AOC1: variants seen among roughly 807,000 people sequenced by gnomAD.
AOC1 encodes the protein diamine oxidase [copper-containing].
Under a neutral mutation model 57.1 loss-of-function variants are expected in AOC1, and 58 were observed. The ratio of observed to expected loss-of-function variants is 1.02; its 90% CI spans 0.82 to 1.26. AOC1 has a LOEUF of 1.26. AOC1 is among the 50% of genes most tolerant of loss of function. AOC1 has a pLI of 0.00. For missense variants in AOC1, 917 were observed against 1,005.3 expected (o/e 0.91, Z 1.19); for synonymous variants, 401 against 423.4 (o/e 0.95, Z 0.65).
intron 4 of AOC1, 114 bp from the exon 5 acceptor site, chr7:150,860,829 C>A: frequency 6.9e-7 from 1 of 1,444,446 alleles, no homozygotes; most frequent in Non-Finnish European, 9.3e-7. Context: ...TAAAAAGGGG[C>A]TGGAGAGGAA....
intron 3 of AOC1, 147 bp from the exon 4 acceptor site, chr7:150,860,354 G>A (rs949656928): frequency 1.3e-5 from 18 of 1,424,202 alleles, no homozygotes; most frequent in East Asian, 9.3e-5. Context: ...ACAGCAGCCC[G>A]TCCTGCTGAC....
rs750414277 is a variant in AOC1 at position 150,860,498 on chromosome 7, C to T, written c.1857-3C>T. ...GCCAAGCTGCTTCGCCTGTGCCTGG[C>T]AGGTACCCCCTGGCAGTGACCAAGT... On this transcript the variant is annotated splice_polypyrimidine_tract_variant and splice_region_variant and intron_variant, in intron 3 of 4. Transcript: ENST00000360937. The T allele has an allele frequency of 7.4e-6, 12 of 1,614,008 alleles. No homozygotes were observed. The Admixed American group carries it at 2.0e-4, about 27-fold the overall frequency.
In AOC1 at chr7:150,857,445, C is replaced by T; in HGVS notation, c.975C>T (p.Ala325=). 1 of 1,611,462 alleles carries T rather than the reference C, an allele frequency of 6.2e-7. No homozygotes were observed. The highest frequency in any genetic ancestry group is 8.5e-7 in the Non-Finnish European group (1 of 1,179,620). ...TGCTCTACGGCGGCTGGAGCTTTGC[C>T]TTCCGGCTGCGCTCCTCCTCCGGGC... The part of the protein sequence containing the change: ...NAVLYGGWSF[A]FRLRSSSGLQ... The change falls in exon 2 of 5, where the codon GCC becomes GCT. Residue 325 remains alanine, a synonymous_variant. Coordinates refer to ENST00000360937, the MANE Select transcript of AOC1 (RefSeq NM_001091.4). This position sits in a 1 kb window ranked among gnomAD's most constrained non-coding sequence, Gnocchi z 6.6.
In AOC1 at chr7:150,857,197, T is replaced by A. The variant is rs376957182; in HGVS notation, c.727T>A (p.Tyr243Asn). 13 of 1,613,088 alleles carry A rather than the reference T, an allele frequency of 8.1e-6. No homozygotes were observed. The highest frequency in any genetic ancestry group is 1.1e-5 in the Non-Finnish European group (13 of 1,179,502). ...VEQVWYNGKF[Y>N]GSPEELARKY... ...GCAGGTGTGGTACAACGGGAAGTTC[T>A]ATGGGAGCCCAGAGGAACTGGCTCG... The change falls in exon 2 of 5, where the codon TAT becomes AAT. Residue 243 changes from tyrosine to asparagine, a missense_variant. Coordinates refer to ENST00000360937, the MANE Select transcript of AOC1 (RefSeq NM_001091.4). This position sits in a 1 kb window ranked among gnomAD's most constrained non-coding sequence, Gnocchi z 6.6.
chr7:150,860,942 G>A lies in AOC1; in HGVS notation c.1990-1G>A. 1 of 1,610,920 alleles carries A rather than the reference G, an allele frequency of 6.2e-7. No homozygotes were observed. The highest frequency in any genetic ancestry group is 8.5e-7 in the Non-Finnish European group (1 of 1,179,126). ...ACTGAAGCCCACCCTGTCTCCTGCA[G>A]GACCTGGTGGCCTGGGTGACGGTGG... is the stretch of plus-strand genomic sequence containing the variant. On this transcript the variant is annotated splice_acceptor_variant, in intron 4 of 4. Coordinates refer to ENST00000360937, the MANE Select transcript of AOC1 (RefSeq NM_001091.4). LOFTEE classifies it high-confidence loss of function.
intron 1 of AOC1, among the ~76,000 whole-genome samples, chr7:150,853,699 T>TATATATA (rs1554412931): frequency 2.5e-4 from 29 of 115,894 alleles, no homozygotes; most frequent in African/African-American, 5.7e-4. Context: ...ATATATATAT[T>TATATATA]TATTTATTTA....
In AOC1 at chr7:150,858,868, A is replaced by T; in HGVS notation, c.1676A>T (p.Tyr559Phe). The change falls in exon 3 of 5, where the codon TAC becomes TTC. Residue 559 changes from tyrosine (Y) to phenylalanine (F), a missense_variant. By Grantham distance (22) the Tyr-to-Phe change is conservative. Transcript: ENST00000360937. ...VVQPTLEQTQ[Y>F]SWERQAAFRF... ...CAGCCAACTCTGGAGCAGACGCAGT[A>T]CTCCTGGGAGCGCCAGGCGGCCTTC... 1 of 1,613,838 alleles carries T rather than the reference A, an allele frequency of 6.2e-7. No individual in the cohort carries two copies. Among genetic ancestry groups the T allele is most frequent in the Non-Finnish European group, 8.5e-7 (1 of 1,179,834 alleles).
At chr7:150,860,468 C>A (rs771355632) in intron 3 of AOC1, 33 bp from the exon 4 acceptor site, 11 of 1,613,308 alleles carry the variant, frequency 6.8e-6, no homozygotes, top group Non-Finnish European at 9.3e-6. Flanking sequence ...AGCCCAGGGC[C>A]CTGAGCCAAG....
Position 150,852,737 on chromosome 7 carries a change from C to T in AOC1, c.-17+179C>T, listed in dbSNP as rs1799658348. 6.6e-6 allele frequency among the ~76,000 whole-genome samples: 1 copy of T among 152,098 alleles called. No homozygotes were observed. The highest frequency in any genetic ancestry group is 2.4e-5 in the African/African-American group (1 of 41,414). On this transcript the variant is annotated intron_variant, in intron 1 of 4. Coordinates refer to ENST00000360937, the MANE Select transcript of AOC1 (RefSeq NM_001091.4). This position sits in a 1 kb window ranked among gnomAD's most constrained non-coding sequence, Gnocchi z 4.6. ...AGGTGCCCGGGTGCTTGGTGGCAGGCAACAGCCGGCCAGGGTGGAGTGGGG... is the reference window on the plus strand; with the variant it reads ...AGGTGCCCGGGTGCTTGGTGGCAGGTAACAGCCGGCCAGGGTGGAGTGGGG...
chr7:150,855,280 T>C (rs1163403611), intron 1 of AOC1, among the ~76,000 whole-genome samples: 2 of 152,092 alleles, frequency 1.3e-5, no homozygotes, highest in Non-Finnish European at 2.9e-5. Context: ...CCACATCACC[T>C]AGGAGGACAA....
rs1466231857 is a variant in AOC1 at position 150,856,269 on chromosome 7, C to G, written c.-16-186C>G. ...GAGGGCAGAAATAAATGGATGGATGCACAGGCAGCGGCCCGACGGCGCTGG... is the reference window on the plus strand; with the variant it reads ...GAGGGCAGAAATAAATGGATGGATGGACAGGCAGCGGCCCGACGGCGCTGG... On this transcript the variant is annotated intron_variant, in intron 1 of 4. Coordinates refer to ENST00000360937, the MANE Select transcript of AOC1 (RefSeq NM_001091.4). This position sits in a 1 kb window ranked among gnomAD's most constrained non-coding sequence, Gnocchi z 5.2. Among the ~76,000 whole-genome samples, 2 of 152,302 alleles carry G rather than the reference C, an allele frequency of 1.3e-5. No individual in the cohort carries two copies. Among genetic ancestry groups the G allele is most frequent in the East Asian group, 3.9e-4 (2 of 5,186 alleles).
At chr7:150,853,450 T>G (rs970290256) in intron 1 of AOC1, among the ~76,000 whole-genome samples, 3 of 152,078 alleles carry the variant, frequency 2.0e-5, no homozygotes, top group African/African-American at 7.2e-5. Context: ...TTTAATAGAC[T>G]TTATAAAGTT....
Position 150,861,354 on chromosome 7 carries a change from G to A in AOC1, c.*145G>A, listed in dbSNP as rs528109560. 1.8e-5 allele frequency: 16 copies of A among 909,746 alleles called. No individual in the cohort carries two copies. Among genetic ancestry groups the A allele is most frequent in the African/African-American group, 1.0e-4 (4 of 39,098 alleles). The allele number at this position is 909,746 out of a possible 1,614,324, so 56.4% of individuals were successfully genotyped here. ...GTGTGTAGGAAACACACGAACAGAC[G>A]TGCACACACACAGACGTGCACACAC... On this transcript the variant is annotated 3_prime_UTR_variant, in exon 5 of 5. Coordinates refer to ENST00000360937, the MANE Select transcript of AOC1 (RefSeq NM_001091.4). The surrounding 1 kb of genome is among the most constrained non-coding windows in gnomAD (Gnocchi z 4.5).
chr7:150,858,903 A>G lies in AOC1; in HGVS notation c.1711A>G (p.Arg571Gly). 6.2e-7 allele frequency: 1 copy of G among 1,613,520 alleles called. No individual in the cohort carries two copies. Among genetic ancestry groups the G allele is most frequent in the Non-Finnish European group, 8.5e-7 (1 of 1,179,684 alleles). The change falls in exon 3 of 5, where the codon AGG becomes GGG. Residue 571 changes from arginine to glycine, a missense_variant. By Grantham distance (125) the Arg-to-Gly change is moderately radical. Transcript: ENST00000360937. ...GCGCCAGGCGGCCTTCCGCTTCAAA[A>G]GGAAGCTGCCTAAGTACCTGCTCTT... ...WERQAAFRFK[R>G]KLPKYLLFTS... is the part of the protein sequence containing the mutation.
chr7:150,858,694 G>A, intron 2 of AOC1, 69 bp from the exon 3 acceptor site: 17 of 1,474,660 alleles, frequency 1.2e-5, no homozygotes, highest in Non-Finnish European at 1.6e-5. Context: ...TGGAGATCCT[G>A]GGGTAGAATG....
rs79613905 is a variant in AOC1, at chr7:150,855,224, G to A, written c.-16-1231G>A. On this transcript the variant is annotated intron_variant, in intron 1 of 4. Coordinates refer to ENST00000360937, the MANE Select transcript of AOC1 (RefSeq NM_001091.4). ...GGGGGTGCAAGGTGGCAAAGGCAGT[G>A]CTTCTGTAGGGAAATTTCACGGTGA... 8.7e-3 allele frequency among the ~76,000 whole-genome samples: 1,324 copies of A among 152,282 alleles called. 23 individuals are homozygous for A. Among genetic ancestry groups the A allele is most frequent in the African/African-American group, 0.03 (1,228 of 41,560 alleles).
At chr7:150,855,611 A>C (rs970709354) in intron 1 of AOC1, among the ~76,000 whole-genome samples, 1 of 152,120 alleles carries the variant, frequency 6.6e-6, no homozygotes, top group African/African-American at 2.4e-5. Flanking sequence ...TGAATGGGGC[A>C]CAAAGAAGGC....
At chr7:150,854,315 G>A (rs1489887775) in intron 1 of AOC1, among the ~76,000 whole-genome samples, 3 of 152,148 alleles carry the variant, frequency 2.0e-5, no homozygotes, top group Non-Finnish European at 4.4e-5. Context: ...TCGGGGAGAG[G>A]GGCATGGGAA....
rs1360445853 is a variant in AOC1, at chr7:150,857,030, T to G, written c.560T>G (p.Val187Gly). 6.2e-7 allele frequency: 1 copy of G among 1,614,032 alleles called. No individual in the cohort carries two copies. Among genetic ancestry groups the G allele is most frequent in the African/African-American group, 1.3e-5 (1 of 74,938 alleles). ...CHDRCLAFTD[V>G]APRGVASGQR... ...GACAGATGCCTGGCCTTCACCGATGTGGCCCCCCGGGGTGTGGCTTCTGGC... is the reference window on the plus strand; with the variant it reads ...GACAGATGCCTGGCCTTCACCGATGGGGCCCCCCGGGGTGTGGCTTCTGGC... The change falls in exon 2 of 5, where the codon GTG (valine) becomes GGG (glycine). Residue 187 changes from valine (V) to glycine (G), a missense_variant. Coordinates refer to ENST00000360937, the MANE Select transcript of AOC1 (RefSeq NM_001091.4). This position sits in a 1 kb window ranked among gnomAD's most constrained non-coding sequence, Gnocchi z 6.6.
Sources: gnomAD v4.1 joint callset for allele counts (sites outside exome capture counted in the v4.1 genomes callset) on GRCh38, gnomAD v4.1.1 for gene constraint, Gnocchi (gnomAD v3.1) non-coding constraint, MANE v1.5 for transcripts, NCBI Gene and HGNC (gene_info 2026-07-23, HGNC 2026-07-21) for gene names.